LPIN2: variants seen among roughly 807,000 people sequenced by gnomAD.
The protein encoded by LPIN2 is lipin 2.
Under a neutral mutation model 111.4 loss-of-function variants are expected in LPIN2, and 55 were observed. The ratio of observed to expected loss-of-function variants is 0.49; its 90% CI spans 0.40 to 0.62. The LOEUF (loss-of-function observed/expected upper bound fraction) is 0.62. Ranked by LOEUF, LPIN2 falls within the 20% of genes least tolerant of loss-of-function variation. The pLI is 0.00. For missense variants in LPIN2, 992 were observed against 1,112.1 expected, an observed-to-expected ratio of 0.89 and a Z score of 1.54; for synonymous variants, 425 against 414.0, an observed-to-expected ratio of 1.03 and a Z score of -0.32.
chr18:2,975,723 T>C lies in LPIN2; in HGVS notation c.-9-14874A>G, dbSNP rs146493957. Among the ~76,000 whole-genome samples the C allele has an allele frequency of 7.7e-3, 1,171 of 152,318 alleles. 11 individuals carry two copies. Among genetic ancestry groups the C allele is most frequent in the African/African-American group, 0.027 (1,113 of 41,570 alleles). ...TCCTAAACCTTCTAAAAGAATTGTGTAGTAAACCTATTTTGGTGGCGACTA... is the reference window on the plus strand; with the variant it reads ...TCCTAAACCTTCTAAAAGAATTGTGCAGTAAACCTATTTTGGTGGCGACTA... On this transcript the variant is annotated intron_variant, in intron 1 of 19. Coordinates refer to ENST00000677752, the MANE Select transcript of LPIN2 (RefSeq NM_001375808.2).
chr18:2,937,723 T>A lies in LPIN2; in HGVS notation c.1137A>T (p.Ala379=), dbSNP rs749961354. 6.2e-7 allele frequency: 1 copy of A among 1,614,162 alleles called. No individual in the cohort carries two copies. Among genetic ancestry groups the A allele is most frequent in the South Asian group, 1.1e-5 (1 of 91,088 alleles). ...LAEAPSESKP[A]AKVDSPSKKK... is the part of the protein sequence containing the mutation. ...TCTTTGACGGCGAGTCTACTTTAGC[T>A]GCCGGTTTGGATTCTGAGGGCGCCT... The change falls in exon 7 of 20, where the codon GCA becomes GCT. Residue 379 remains alanine, a synonymous_variant. Transcript: ENST00000677752.
At chr18:2,989,561 C>A (rs1367344703) in intron 1 of LPIN2, among the ~76,000 whole-genome samples, 2 of 152,064 alleles carry the variant, frequency 1.3e-5, no homozygotes, top group Non-Finnish European at 2.9e-5. Flanking sequence ...CCCTGACTAG[C>A]CAAAATAATA....
intron 1 of LPIN2, chr18:2,982,712 T>C (rs1330684010): frequency 7.7e-7 from 1 of 1,304,018 alleles, no homozygotes; most frequent in Admixed American, 2.3e-5. Flanking sequence ...TCTTGAGTTT[T>C]ACTTAATGAG....
At position 2,925,563 on chromosome 18, in the gene LPIN2, T is replaced by C. The variant is rs1490970340; in HGVS notation, c.1794-195A>G. Among the ~76,000 whole-genome samples the C allele has an allele frequency of 6.6e-6, 1 of 152,208 alleles. No individual in the cohort carries two copies. Among genetic ancestry groups the C allele is most frequent in the African/African-American group, 2.4e-5 (1 of 41,450 alleles). ...ATATTGTTAACTGATAAGGCCACTT[T>C]CATAACTGGCAAGCACTTACTTTCT... On this transcript the variant is annotated intron_variant, in intron 13 of 19. Transcript: ENST00000677752. The surrounding 1 kb of genome is among the most constrained non-coding windows in gnomAD (Gnocchi z 4.1).
At chr18:3,001,505 G>A (rs2078434813) in intron 1 of LPIN2, among the ~76,000 whole-genome samples, 1 of 152,128 alleles carries the variant, frequency 6.6e-6, no homozygotes, top group African/African-American at 2.4e-5. Flanking sequence ...AAGAAAATTA[G>A]AAAATGGTAT....
intron 1 of LPIN2, among the ~76,000 whole-genome samples, chr18:3,005,796 C>T (rs1166798969): frequency 6.6e-6 from 1 of 152,046 alleles, no homozygotes. Flanking sequence ...GAGGTAGAAA[C>T]GGGAAGACTG....
intron 1 of LPIN2, among the ~76,000 whole-genome samples, chr18:2,987,025 T>C (rs2078197087): frequency 6.6e-6 from 1 of 152,184 alleles, no homozygotes; most frequent in African/African-American, 2.4e-5. Flanking sequence ...TCTGTTTAAA[T>C]GTCTTTTTCT....
At chr18:2,921,799 A>T in intron 17 of LPIN2, 152 bp from the exon 18 acceptor site, 1 of 775,082 alleles carries the variant, frequency 1.3e-6, no homozygotes, top group Non-Finnish European at 2.1e-6. Flanking sequence ...TCTGATAACT[A>T]AGAAAATTTG....
intron 6 of LPIN2, among the ~76,000 whole-genome samples, 187 bp downstream of exon 6, chr18:2,939,293 G>A (rs1218494211): frequency 1.3e-5 from 2 of 152,022 alleles, no homozygotes; most frequent in African/African-American, 2.4e-5. Flanking sequence ...GAAATCCTTC[G>A]GTTGCAAATA....
intron 1 of LPIN2, among the ~76,000 whole-genome samples, chr18:2,991,583 A>G (rs1292564858): frequency 6.6e-6 from 1 of 152,094 alleles, no homozygotes; most frequent in Non-Finnish European, 1.5e-5. Flanking sequence ...GTGGTGTTGT[A>G]CACCTATAAT....
At chr18:2,972,106 C>A (rs1353767649) in intron 1 of LPIN2, among the ~76,000 whole-genome samples, 1 of 152,038 alleles carries the variant, frequency 6.6e-6, no homozygotes, top group Non-Finnish European at 1.5e-5. Flanking sequence ...TGGAAGTTAA[C>A]CCAAAGTCCC....
intron 1 of LPIN2, among the ~76,000 whole-genome samples, chr18:2,979,999 C>T (rs891444044): frequency 2.0e-5 from 3 of 152,190 alleles, no homozygotes; most frequent in African/African-American, 7.2e-5. Flanking sequence ...ATCACCCATT[C>T]ACAGCTCAGT....
At chr18:2,992,881 G>A (rs2078285311) in intron 1 of LPIN2, among the ~76,000 whole-genome samples, 1 of 151,844 alleles carries the variant, frequency 6.6e-6, no homozygotes, top group Non-Finnish European at 1.5e-5. Context: ...AGCTACTCGG[G>A]AGGCTGAGGC....
At chr18:3,004,929 C>G (rs1428057681) in intron 1 of LPIN2, among the ~76,000 whole-genome samples, 1 of 152,220 alleles carries the variant, frequency 6.6e-6, no homozygotes. Flanking sequence ...ACCTCCCCAT[C>G]TTCCCGGCTG....
At chr18:2,982,989 A>C in intron 1 of LPIN2, 1 of 329,360 alleles carries the variant, frequency 3.0e-6, no homozygotes, top group Non-Finnish European at 6.0e-6. Flanking sequence ...AAAGGAGATA[A>C]GCAGGGGCAT....
rs138906746 is a variant in LPIN2, at chr18:2,960,679, C to T, written c.162G>A (p.Lys54=). The stretch of plus-strand genomic sequence containing the variant: ...TCTCTTTGGATCTCAGGACTCCCAG[C>T]TTTCCAAACCGAACGTGAAAAGGTG... The part of the protein sequence containing the change: ...QCSPFHVRFG[K]LGVLRSKEKV... The change falls in exon 2 of 20, where the codon AAG becomes AAA. Residue 54 remains lysine (K), a synonymous_variant. Transcript: ENST00000677752. 3.7e-6 allele frequency: 6 copies of T among 1,613,980 alleles called. No individual in the cohort carries two copies. In the African/African-American group the frequency reaches 8.0e-5, roughly 22 times the overall value.
intron 4 of LPIN2, among the ~76,000 whole-genome samples, chr18:2,944,465 C>T (rs1187273548): frequency 1.3e-5 from 2 of 150,308 alleles, no homozygotes; most frequent in African/African-American, 2.4e-5. Context: ...CATTCTCCTG[C>T]CTCAGCCTCC....
chr18:3,010,822 C>CT (rs1426848095), intron 1 of LPIN2, among the ~76,000 whole-genome samples: 1 of 152,108 alleles, frequency 6.6e-6, no homozygotes, highest in Non-Finnish European at 1.5e-5. Context: ...AGAAAAATCG[C>CT]TGACACAGAG....
intron 1 of LPIN2, among the ~76,000 whole-genome samples, chr18:3,005,924 G>A (rs1324897519): frequency 3.9e-5 from 6 of 152,144 alleles, no homozygotes; most frequent in Admixed American, 3.9e-4. Flanking sequence ...ATTGACTTAG[G>A]GATGATAAAG....
Sources: gnomAD v4.1 joint callset for allele counts (sites outside exome capture counted in the v4.1 genomes callset) on GRCh38, gnomAD v4.1.1 for gene constraint, Gnocchi (gnomAD v3.1) non-coding constraint, MANE v1.5 for transcripts, NCBI Gene and HGNC (gene_info 2026-07-23, HGNC 2026-07-21) for gene names.